KIAA1671: variants seen among roughly 807,000 people sequenced by gnomAD.
KIAA1671 encodes the protein KIAA1671.
A neutral mutation model predicts 131.2 loss-of-function variants in KIAA1671; 52 were observed. The observed-to-expected ratio is 0.40, with a 90% CI of 0.32 to 0.50. The LOEUF is 0.50. KIAA1671 is among the 20% of genes least tolerant of loss of function. The pLI, the probability that KIAA1671 is intolerant of heterozygous loss-of-function variation, is 0.73. For missense variants in KIAA1671, 2,360 were observed against 2,364.2 expected, an observed-to-expected ratio of 1.00 and a Z score of 0.04; for synonymous variants, 1,003 against 961.6, an observed-to-expected ratio of 1.04 and a Z score of -0.80.
At chr22:25,047,826 G>T (rs1927332610) in intron 5 of KIAA1671, among the ~76,000 whole-genome samples, 1 of 152,192 alleles carries the variant, frequency 6.6e-6, no homozygotes, top group Non-Finnish European at 1.5e-5. Context: ...TTTTGAAGAA[G>T]TCTATTTTAT....
chr22:25,190,770 A>G lies in KIAA1671; in HGVS notation c.5411A>G (p.Asn1804Ser). 1 of 1,550,862 alleles carries G rather than the reference A, an allele frequency of 6.4e-7. No individual in the cohort carries two copies. Among genetic ancestry groups the G allele is most frequent in the Non-Finnish European group, 8.7e-7 (1 of 1,146,058 alleles). The stretch of plus-strand genomic sequence containing the variant: ...AAGAAGAGGCAAAGTCTTTATGAGA[A>G]CCAAGTTTGACCAGGTATGAAGGGG... The part of the protein sequence containing the change: ...KSKKRQSLYE[N>S]QV The change falls in exon 12 of 13, where the codon AAC becomes AGC. Residue 1804 changes from asparagine to serine, a missense_variant. Asn to Ser is a conservative substitution (Grantham distance 46). Transcript: ENST00000358431.
intron 9 of KIAA1671, among the ~76,000 whole-genome samples, chr22:25,180,259 G>A (rs548965493): frequency 6.6e-5 from 10 of 152,374 alleles, no homozygotes; most frequent in African/African-American, 2.4e-4. Context: ...AGAAGAAACA[G>A]GCAGGGCGTG....
intron 1 of KIAA1671, among the ~76,000 whole-genome samples, chr22:24,996,156 C>T (rs975968629): frequency 6.7e-5 from 10 of 149,938 alleles, no homozygotes; most frequent in African/African-American, 2.0e-4. Flanking sequence ...ATTGGGGAAG[C>T]GACCCCTGTG....
intron 4 of KIAA1671, among the ~76,000 whole-genome samples, chr22:25,038,023 CG>C (rs1926711373): frequency 2.0e-5 from 3 of 152,148 alleles, no homozygotes; most frequent in African/African-American, 7.2e-5. Flanking sequence ...TAGTAGAGAA[CG>C]GGGTTTCACC....
chr22:25,105,285 G>C (rs907850668), intron 6 of KIAA1671, among the ~76,000 whole-genome samples: 4 of 152,106 alleles, frequency 2.6e-5, no homozygotes, highest in African/African-American at 9.7e-5. Flanking sequence ...GCCTCCCAAA[G>C]TGTTGGGATT....
chr22:25,127,923 C>T (rs1215309765), intron 6 of KIAA1671, among the ~76,000 whole-genome samples: 2 of 152,138 alleles, frequency 1.3e-5, no homozygotes, highest in Non-Finnish European at 2.9e-5. Context: ...TGCTGTGGTT[C>T]AGTGGTGTCT....
chr22:25,114,879 G>A (rs1931576244), intron 6 of KIAA1671, among the ~76,000 whole-genome samples: 1 of 152,202 alleles, frequency 6.6e-6, no homozygotes, highest in Non-Finnish European at 1.5e-5. Flanking sequence ...GGGCTGGGAG[G>A]GGGCAGGATT....
chr22:24,992,814 C>CAAAAAAAAAAAAAAA (rs761181079), intron 1 of KIAA1671, among the ~76,000 whole-genome samples: 5 of 57,374 alleles, frequency 8.7e-5, no homozygotes, highest in Non-Finnish European at 1.5e-4. Context: ...GACTCCGTCT[C>CAAAAAAAAAAAAAAA]AAAAAAAAAA....
chr22:25,147,155 C>CTATTTTATTTTATTTTATTT (rs10526199), intron 6 of KIAA1671, among the ~76,000 whole-genome samples: 21 of 139,062 alleles, frequency 1.5e-4, no homozygotes, highest in South Asian at 4.9e-4. Flanking sequence ...TTATTTTTTA[C>CTATTTTATTTTATTTTATTT]TATTTTATTT....
intron 6 of KIAA1671, among the ~76,000 whole-genome samples, chr22:25,077,723 G>A (rs9620485): frequency 0.069 from 10,508 of 152,170 alleles, 1,188 homozygotes; most frequent in African/African-American, 0.24. Flanking sequence ...AAATCACTGT[G>A]GTTTTCATTG....
At chr22:25,038,310 C>T (rs1025717294) in intron 4 of KIAA1671, among the ~76,000 whole-genome samples, 16 of 152,206 alleles carry the variant, frequency 1.1e-4, no homozygotes, top group Non-Finnish European at 2.1e-4. Context: ...CTGGATCTGC[C>T]TCTTTCTGTG....
In KIAA1671 at chr22:25,028,277, C is replaced by G. The variant is rs895263959; in HGVS notation, c.278C>G (p.Pro93Arg). The change falls in exon 3 of 13, where the codon CCC becomes CGC. Residue 93 changes from proline to arginine, a missense_variant. Pro to Arg is a moderately radical substitution (Grantham distance 103, BLOSUM62 -2). Transcript: ENST00000358431. ...SLRPSSTGPS[P>R]SGGLSEEPAA... ...CGGCCCAGTTCGACTGGACCTTCCC[C>G]CTCTGGGGGGCTCTCTGAGGAGCCA... The G allele has an allele frequency of 5.2e-6, 8 of 1,551,376 alleles. No homozygotes were observed. The highest frequency in any genetic ancestry group is 7.0e-6 in the Non-Finnish European group (8 of 1,147,008).
intron 6 of KIAA1671, among the ~76,000 whole-genome samples, chr22:25,144,136 TTCTC>T (rs959875718): frequency 2.0e-5 from 3 of 152,248 alleles, no homozygotes; most frequent in Admixed American, 6.5e-5. Context: ...CACAGTCTCT[TTCTC>T]TCTCTTTCTC....
chr22:25,015,398 A>T (rs1257228596), intron 1 of KIAA1671, among the ~76,000 whole-genome samples: 1 of 152,032 alleles, frequency 6.6e-6, no homozygotes, highest in African/African-American at 2.4e-5. Context: ...ACACGGGGGG[A>T]AACAGCAGCT....
chr22:25,028,214 C>T lies in KIAA1671; in HGVS notation c.215C>T (p.Ser72Leu), dbSNP rs1216598358. 3.2e-5 allele frequency: 49 copies of T among 1,551,258 alleles called. No individual in the cohort carries two copies. The highest frequency in any genetic ancestry group is 1.7e-4 in the East Asian group (7 of 40,906). Residue 72 changes from serine to leucine, a missense_variant, in exon 3 of 13, where the codon TCG becomes TTG. This residue lies in a region of KIAA1671 where 1,185 missense variants were observed against 1,126.2 expected (regional missense o/e 1.05). Coordinates refer to ENST00000358431, the MANE Select transcript of KIAA1671 (RefSeq NM_001145206.2). ...CCAAGGCTCGCCCCCAAACCCTTCTCGAAGGAGCAGGACGTGAAATCTCCT... is the reference window on the plus strand; with the variant it reads ...CCAAGGCTCGCCCCCAAACCCTTCTTGAAGGAGCAGGACGTGAAATCTCCT... ...PLPRLAPKPF[S>L]KEQDVKSPVP...
chr22:25,164,368 C>T (rs1337577403), intron 6 of KIAA1671, among the ~76,000 whole-genome samples: 2 of 152,116 alleles, frequency 1.3e-5, no homozygotes, highest in East Asian at 1.9e-4. Context: ...AAGGAAGGGC[C>T]GACTGAATGG....
intron 1 of KIAA1671, among the ~76,000 whole-genome samples, chr22:24,987,064 C>G (rs933657030): frequency 6.6e-6 from 1 of 152,032 alleles, no homozygotes; most frequent in African/African-American, 2.4e-5. Flanking sequence ...TGACTGCAAT[C>G]ACAACTTATG....
intron 6 of KIAA1671, among the ~76,000 whole-genome samples, chr22:25,093,682 G>GACAC (rs67802603): frequency 0.016 from 806 of 49,912 alleles, 19 homozygotes; most frequent in East Asian, 0.037. Context: ...CCTGCCCCCC[G>GACAC]ACACACACAC....
intron 1 of KIAA1671, among the ~76,000 whole-genome samples, chr22:25,017,894 A>G (rs1437155522): frequency 1.3e-5 from 2 of 150,308 alleles, no homozygotes; most frequent in Admixed American, 6.6e-5. Flanking sequence ...CATTTTTAGA[A>G]AGTTGAACTT....
Sources: gnomAD v4.1 joint callset for allele counts (sites outside exome capture counted in the v4.1 genomes callset) on GRCh38, gnomAD v4.1.1 for gene constraint, gnomAD v4.1.1 regional missense constraint, MANE v1.5 for transcripts, NCBI Gene and HGNC (gene_info 2026-07-23, HGNC 2026-07-21) for gene names.